The following TNS3 variants were observed in gnomAD, a reference collection of about 807,000 sequenced individuals.
The protein encoded by TNS3 is tensin-3.
TNS3 carries 45 observed loss-of-function variants against 140.9 expected under a neutral mutation model. That is an observed-to-expected ratio of 0.32 (90% confidence interval 0.25 to 0.41). The LOEUF is 0.41. Among genes scored for constraint, TNS3 ranks in the 10% least tolerant of loss-of-function variants. The pLI is 1.00. For missense variants in TNS3, 1,716 were observed against 1,906.7 expected (o/e 0.90, Z 1.86); for synonymous variants, 815 against 788.4 (o/e 1.03, Z -0.56).
intron 13 of TNS3, chr7:47,405,380 G>A: frequency 1.6e-6 from 1 of 641,360 alleles, no homozygotes; most frequent in Non-Finnish European, 2.8e-6. Flanking sequence ...TGTCTACGCA[G>A]GCCTCAAGGA....
At chr7:47,499,027 A>C (rs1798117749) in intron 3 of TNS3, among the ~76,000 whole-genome samples, 1 of 152,268 alleles carries the variant, frequency 6.6e-6, no homozygotes, top group Non-Finnish European at 1.5e-5. Context: ...AGAAGTCCAC[A>C]ATGAATGCCT....
At chr7:47,439,935 G>C (rs1415724094) in intron 5 of TNS3, among the ~76,000 whole-genome samples, 1 of 152,166 alleles carries the variant, frequency 6.6e-6, no homozygotes, top group African/African-American at 2.4e-5. Flanking sequence ...AAGCAACTCA[G>C]AGCAGTGACG....
In TNS3 at chr7:47,280,297, T is replaced by C. The variant is rs577324392; in HGVS notation, c.4155A>G (p.Pro1385=). 1 of 1,614,176 alleles carries C rather than the reference T, an allele frequency of 6.2e-7. No homozygotes were observed. The highest frequency in any genetic ancestry group is 1.3e-5 in the African/African-American group (1 of 75,054). ...TGCAAATTTCTTACTTCCTGTCTTG[T>C]GGGTCCAAGGCACAGAAAATCACAC... ...VNSVIFCALD[P]QDRKWIKDGP... The change falls in exon 29 of 31, where the codon CCA becomes CCG. Residue 1385 remains proline (P), a synonymous_variant. Transcript: ENST00000311160.
intron 4 of TNS3, among the ~76,000 whole-genome samples, chr7:47,451,981 T>C (rs1471791459): frequency 1.3e-5 from 2 of 152,208 alleles, no homozygotes; most frequent in Non-Finnish European, 2.9e-5. Flanking sequence ...GGAATTTACT[T>C]GCCCTCTGTG....
At chr7:47,334,281 C>T (rs1331155807) in intron 20 of TNS3, among the ~76,000 whole-genome samples, 1 of 152,180 alleles carries the variant, frequency 6.6e-6, no homozygotes, top group Non-Finnish European at 1.5e-5. Context: ...CCTAAAATGC[C>T]TACACCCTAC....
At chr7:47,495,963 C>G (rs1391689946) in intron 3 of TNS3, among the ~76,000 whole-genome samples, 1 of 152,116 alleles carries the variant, frequency 6.6e-6, no homozygotes, top group African/African-American at 2.4e-5. Context: ...CTAACCTGGA[C>G]AGAGCCAGAG....
intron 2 of TNS3, among the ~76,000 whole-genome samples, chr7:47,524,863 G>C (rs988549351): frequency 6.8e-6 from 1 of 148,124 alleles, no homozygotes. Context: ...ATGCATCCCT[G>C]CGGTGGAAAG....
At chr7:47,297,913 AG>A (rs1320608523) in intron 23 of TNS3, among the ~76,000 whole-genome samples, 1 of 150,678 alleles carries the variant, frequency 6.6e-6, no homozygotes, top group Non-Finnish European at 1.5e-5. Flanking sequence ...CAGCCTCCGG[AG>A]TAGCTGGGAC....
At chr7:47,347,074 T>G (rs970115321) in intron 17 of TNS3, among the ~76,000 whole-genome samples, 2 of 152,316 alleles carry the variant, frequency 1.3e-5, no homozygotes, top group Middle Eastern at 3.4e-3. Flanking sequence ...AGGAAAAACC[T>G]GCTGCCGGCT....
chr7:47,282,342 C>A (rs1785190911), intron 28 of TNS3, among the ~76,000 whole-genome samples: 1 of 151,406 alleles, frequency 6.6e-6, no homozygotes, highest in Admixed American at 6.6e-5. Context: ...CTGAGTCTAC[C>A]ATAAAGCCAA....
intron 4 of TNS3, among the ~76,000 whole-genome samples, chr7:47,479,498 C>T (rs1281407409): frequency 6.7e-6 from 1 of 149,842 alleles, no homozygotes; most frequent in Non-Finnish European, 1.5e-5. Context: ...ACCCCCCCGT[C>T]GGCGGTGAGT....
chr7:47,438,105 A>G (rs1418160665), intron 6 of TNS3, among the ~76,000 whole-genome samples: 2 of 152,108 alleles, frequency 1.3e-5, no homozygotes, highest in African/African-American at 4.8e-5. Context: ...AAAATTAACT[A>G]AACGTCCCTC....
In TNS3 at chr7:47,435,372, T is replaced by C. The variant is rs371948699; in HGVS notation, c.234A>G (p.Ala78=). 116 of 1,613,954 alleles carry C rather than the reference T, an allele frequency of 7.2e-5. No individual in the cohort carries two copies. The African/African-American group carries it at 1.1e-3, about 15-fold the overall frequency. ...IMDVGWPELH[A]PPLDKMCTIC... ...TGGTACACATCTTATCCAGGGGCGG[T>C]GCGTGGAGCTCTGGCCAGCCCACAT... The change falls in exon 8 of 31, where the codon GCA becomes GCG. Residue 78 remains alanine, a synonymous_variant. Transcript: ENST00000311160.
Position 47,303,461 on chromosome 7 carries a change from G to A in TNS3, c.2946C>T (p.Ser982=), listed in dbSNP as rs186410815. The A allele has an allele frequency of 5.0e-6, 8 of 1,612,406 alleles. No individual in the cohort carries two copies. In the African/African-American group the frequency reaches 1.1e-4, roughly 21 times the overall value. Residue 982 remains serine, a synonymous_variant, in exon 22 of 31, where the codon TCC becomes TCT. Transcript: ENST00000311160. Reference sequence around the variant, plus strand: ...ACGGCGGGAAGCAGGACAGCACTGGGGAGTCCTTCCTGGTACCGGAGAACT... The same window carrying A: ...ACGGCGGGAAGCAGGACAGCACTGGAGAGTCCTTCCTGGTACCGGAGAACT... The part of the protein sequence containing the change: ...SAEFSGTRKD[S]PVLSCFPPSE...
At position 47,407,671 on chromosome 7, in the gene TNS3, G is replaced by A. The variant is rs1034952732; in HGVS notation, c.723+4056C>T. Among the ~76,000 whole-genome samples the A allele has an allele frequency of 1.5e-4, 23 of 152,342 alleles. No individual in the cohort carries two copies. Among genetic ancestry groups the A allele is most frequent in the African/African-American group, 5.5e-4 (23 of 41,580 alleles). ...GCATAGGGCTGTGTTTGGAGATGGG[G>A]TCTTCACAAAGGTAAATTAAAATGA... On this transcript the variant is annotated intron_variant, in intron 13 of 30. Coordinates refer to ENST00000311160, the MANE Select transcript of TNS3 (RefSeq NM_022748.12). This position sits in a 1 kb window ranked among gnomAD's most constrained non-coding sequence, Gnocchi z 4.1.
chr7:47,464,705 C>A (rs1754338706), intron 4 of TNS3, among the ~76,000 whole-genome samples: 1 of 152,208 alleles, frequency 6.6e-6, no homozygotes, highest in Admixed American at 6.5e-5. Context: ...CTGAGATCCA[C>A]TGACCTAAAA....
chr7:47,292,808 T>C lies in TNS3; in HGVS notation c.3850+20A>G. On this transcript the variant is annotated intron_variant, in intron 26 of 30. Transcript: ENST00000311160. ...GCAGACAATCTACACAGAGCCTGAC[T>C]AGCACTGAGGACCCCTTACCTCTCT... The C allele has an allele frequency of 1.9e-6, 3 of 1,611,026 alleles. No individual in the cohort carries two copies. The highest frequency in any genetic ancestry group is 1.7e-6 in the Non-Finnish European group (2 of 1,177,420).
At chr7:47,490,277 T>TA (rs755008553) in intron 3 of TNS3, among the ~76,000 whole-genome samples, 1 of 152,218 alleles carries the variant, frequency 6.6e-6, no homozygotes, top group Non-Finnish European at 1.5e-5. Flanking sequence ...TAATTAATAA[T>TA]AAAGTAATAA....
rs71003398 is a variant in TNS3 at position 47,413,251 on chromosome 7, CTTTT to C, written c.647+682_647+685del. On this transcript the variant is annotated intron_variant, in intron 12 of 30. Transcript: ENST00000311160. Reference sequence around the variant, plus strand: ...ACAGGTGTGAGCCACCAAGCCTGGCCTTTTTTTTTTTTTTTTTTTTTTTTGACTC... The same window carrying C: ...ACAGGTGTGAGCCACCAAGCCTGGCCTTTTTTTTTTTTTTTTTTTTGACTC... Among the ~76,000 whole-genome samples the C allele has an allele frequency of 7.3e-3, 388 of 52,890 alleles. 3 individuals carry two copies. Among genetic ancestry groups the C allele is most frequent in the African/African-American group, 0.029 (377 of 13,224 alleles). The allele number at this position is 52,890 out of a possible 152,430, so 34.7% of individuals were successfully genotyped here. A position where few individuals can be genotyped will look rare whatever the true frequency, so the allele number is the denominator to read the frequency against.
Sources: allele counts gnomAD v4.1 joint callset (sites outside exome capture counted in the v4.1 genomes callset), GRCh38; gene constraint gnomAD v4.1.1; non-coding constraint Gnocchi (gnomAD v3.1); transcripts MANE v1.5; gene names NCBI Gene and HGNC (gene_info 2026-07-23, HGNC 2026-07-21).